The following GRK1 variants were observed in gnomAD, a reference collection of about 807,000 sequenced individuals.
The protein encoded by GRK1 is G protein-coupled receptor kinase 1.
Under a neutral mutation model 41.7 loss-of-function variants are expected in GRK1, and 28 were observed. The observed-to-expected ratio is 0.67, with a 90% confidence interval of 0.50 to 0.92. The LOEUF (loss-of-function observed/expected upper bound fraction) is 0.92. Ranked by LOEUF, GRK1 falls within the 40% of genes least tolerant of loss-of-function variation. The probability of loss-of-function intolerance (pLI) is 0.00; values close to 1 mark genes in which losing one functional copy is unlikely to be tolerated. For synonymous variants in GRK1, 327 were observed against 286.7 expected, an observed-to-expected ratio of 1.14 and a Z score of -1.42; for missense variants, 703 against 671.2, an observed-to-expected ratio of 1.05 and a Z score of -0.52.
At chr13:113,670,223 G>A (rs1432455802) in intron 2 of GRK1, among the ~76,000 whole-genome samples, 2 of 152,164 alleles carry the variant, frequency 1.3e-5, no homozygotes, top group Non-Finnish European at 2.9e-5. Context: ...GATCAGTCCA[G>A]CTGGGGGCCG....
At position 113,667,466 on chromosome 13, in the gene GRK1, C is replaced by A; in HGVS notation, c.80C>A (p.Ser27Tyr). ...AARGSFDGSS[S>Y]QPSRDKKYLA... is the part of the protein sequence containing the mutation. ...CGAGGCAGCTTTGACGGCAGCAGCT[C>A]CCAACCCTCCCGGGACAAGAAGTAC... Residue 27 changes from serine (S) to tyrosine (Y), a missense_variant, in exon 1 of 7, where the codon TCC becomes TAC. Transcript: ENST00000335678. The surrounding 1 kb of genome is among the most constrained non-coding windows in gnomAD (Gnocchi z 7.5). The A allele has an allele frequency of 2.5e-6, 4 of 1,610,070 alleles. No homozygotes were observed. Among genetic ancestry groups the A allele is most frequent in the South Asian group, 1.1e-5 (1 of 90,594 alleles).
intron 4 of GRK1, among the ~76,000 whole-genome samples, chr13:113,727,651 C>CAAT (rs2049898472): frequency 7.6e-6 from 1 of 131,646 alleles, no homozygotes; most frequent in African/African-American, 2.9e-5. Context: ...GTACCCATGG[C>CAAT]GATGAGGACC....
At chr13:113,723,633 G>A (rs1056211753) in intron 4 of GRK1, among the ~76,000 whole-genome samples, 1 of 152,178 alleles carries the variant, frequency 6.6e-6, no homozygotes, top group African/African-American at 2.4e-5. Context: ...TCAGTGAACA[G>A]AGGGCTCACT....
the GRK1 span, among the ~76,000 whole-genome samples, chr13:113,659,618 A>T: frequency 6.6e-6 from 1 of 151,610 alleles, no homozygotes; most frequent in Non-Finnish European, 1.5e-5. Flanking sequence ...TTTTTTGTAG[A>T]GATGGGGTCT....
the GRK1 span, chr13:113,650,366 A>G: frequency 6.4e-7 from 1 of 1,573,196 alleles, no homozygotes; most frequent in Non-Finnish European, 8.7e-7. This position sits in a 1 kb window ranked among gnomAD's most constrained non-coding sequence, Gnocchi z 5.0. Context: ...GAGAGGACTC[A>G]GCAGCTGTGG....
chr13:113,661,190 C>T, the GRK1 span, among the ~76,000 whole-genome samples: 1 of 151,952 alleles, frequency 6.6e-6, no homozygotes, highest in Admixed American at 6.6e-5. Context: ...ATATTAATAA[C>T]AAAGATAACA....
rs762421342 is a variant in GRK1 at position 113,733,765 on chromosome 13, ATG to A, written c.1396+687_1396+688del. 3.2e-3 allele frequency among the ~76,000 whole-genome samples: 212 copies of A among 67,004 alleles called. 3 individuals carry two copies. The highest frequency in any genetic ancestry group is 4.7e-3 in the African/African-American group (86 of 18,120). 44.0% of individuals were successfully genotyped at this position (67,004 alleles called of 152,430 possible). ...TGTGCATACATGTGTGTGCGTGTGTATGTGTGTGCATACGTGTGTGCATGTGT... is the reference window on the plus strand; with the variant it reads ...TGTGCATACATGTGTGTGCGTGTGTATGTGTGCATACGTGTGTGCATGTGT... On this transcript the variant is annotated intron_variant, in intron 6 of 6. Transcript: ENST00000335678.
chr13:113,658,496 G>A, the GRK1 span, among the ~76,000 whole-genome samples: 1 of 152,238 alleles, frequency 6.6e-6, no homozygotes, highest in Admixed American at 6.5e-5. Context: ...CTCTCCTTCA[G>A]GAGGGAGATT....
rs2050010291 is a variant in GRK1 at position 113,737,208 on chromosome 13, C to T, written c.*1845C>T. ...CTTCTGGAGGGAAGATAGGCCACGC[C>T]CCTGGGTGAGGAGCACGTCTTCCCA... On this transcript the variant is annotated 3_prime_UTR_variant, in exon 7 of 7. Coordinates refer to ENST00000335678, the MANE Select transcript of GRK1 (RefSeq NM_002929.3). 6.5e-6 allele frequency: 1 copy of T among 153,672 alleles called. No homozygotes were observed. The highest frequency in any genetic ancestry group is 1.5e-5 in the Non-Finnish European group (1 of 68,876). 9.5% of individuals were successfully genotyped at this position (153,672 alleles called of 1,614,324 possible). A position where few individuals can be genotyped will look rare whatever the true frequency, so the allele number is the denominator to read the frequency against.
chr13:113,670,309 A>G (rs1316909821), intron 2 of GRK1, among the ~76,000 whole-genome samples: 3 of 151,380 alleles, frequency 2.0e-5, no homozygotes, highest in Admixed American at 1.3e-4. Flanking sequence ...CCGCTGAGAC[A>G]GGCCCCAGGC....
rs1214643857 is a variant in GRK1, at chr13:113,733,925, CATGTGTGCATACGTGTGTGCGT to C, written c.1396+841_1396+862del. On this transcript the variant is annotated intron_variant, in intron 6 of 6. Transcript: ENST00000335678. Reference sequence around the variant, plus strand: ...TGTGTGCATACAGTGTGCGTGTGTGCATGTGTGCATACGTGTGTGCGTGTGTGTGCATACGTGTGTGTGCGTG... The same window carrying C: ...TGTGTGCATACAGTGTGCGTGTGTGCGTGTGTGCATACGTGTGTGTGCGTG... Among the ~76,000 whole-genome samples, 54 of 41,988 alleles carry C rather than the reference CATGTGTGCATACGTGTGTGCGT, an allele frequency of 1.3e-3. No individual in the cohort carries two copies. The East Asian group carries it at 0.036, about 28-fold the overall frequency. The allele number at this position is 41,988 out of a possible 152,430, so 27.5% of individuals were successfully genotyped here.
chr13:113,733,765 A>G lies in GRK1; in HGVS notation c.1396+680A>G, dbSNP rs1425829900. On this transcript the variant is annotated intron_variant, in intron 6 of 6. Transcript: ENST00000335678. ...TGTGCATACATGTGTGTGCGTGTGT[A>G]TGTGTGTGCATACGTGTGTGCATGT... Among the ~76,000 whole-genome samples the G allele has an allele frequency of 4.6e-3, 307 of 66,890 alleles. 5 individuals carry two copies. Among genetic ancestry groups the G allele is most frequent in the African/African-American group, 0.013 (240 of 18,104 alleles). The allele number at this position is 66,890 out of a possible 152,430, so 43.9% of individuals were successfully genotyped here.
Position 113,671,343 on chromosome 13 carries a change from C to G in GRK1, c.828-156C>G, listed in dbSNP as rs1218742459. 1.3e-5 allele frequency among the ~76,000 whole-genome samples: 2 copies of G among 152,176 alleles called. No individual in the cohort carries two copies. The highest frequency in any genetic ancestry group is 4.8e-5 in the African/African-American group (2 of 41,438). On this transcript the variant is annotated intron_variant, in intron 2 of 6. Coordinates refer to ENST00000335678, the MANE Select transcript of GRK1 (RefSeq NM_002929.3). This position sits in a 1 kb window ranked among gnomAD's most constrained non-coding sequence, Gnocchi z 4.1. ...CTGCTAACGCCGCCAGCCACCATGG[C>G]CTTCGGGTGTCCTCTGCAGGGACGT...
chr13:113,650,622 A>G, the GRK1 span: 1 of 679,934 alleles, frequency 1.5e-6, no homozygotes, highest in Non-Finnish European at 2.5e-6. This position sits in a 1 kb window ranked among gnomAD's most constrained non-coding sequence, Gnocchi z 5.0. Context: ...TTGCATAAAC[A>G]CTTTATTGCA....
At chr13:113,727,720 GCGA>G (rs2049899412) in intron 4 of GRK1, among the ~76,000 whole-genome samples, 3 of 123,952 alleles carry the variant, frequency 2.4e-5, no homozygotes, top group African/African-American at 9.2e-5. Context: ...AGTACCCATG[GCGA>G]TGAGGAGTAC....
intron 4 of GRK1, among the ~76,000 whole-genome samples, chr13:113,729,461 G>A (rs780151105): frequency 4.6e-5 from 7 of 152,204 alleles, no homozygotes; most frequent in Non-Finnish European, 7.3e-5. Flanking sequence ...GGCAGTGAAG[G>A]GATCTCGCTA....
chr13:113,665,395 G>A (rs1318106240), upstream of GRK1, among the ~76,000 whole-genome samples: 2 of 148,976 alleles, frequency 1.3e-5, no homozygotes, highest in Non-Finnish European at 3.0e-5. Flanking sequence ...GTGTGCCCCA[G>A]CTGTCTCAGA....
Position 113,731,096 on chromosome 13 carries a change from A to G in GRK1, c.1070-123A>G. ...CTCCACAAAGGATTTTCTGGCCCCA[A>G]ATGTGGAGAGTGCTGAGGCCCCGGG... On this transcript the variant is annotated intron_variant, in intron 4 of 6. Coordinates refer to ENST00000335678, the MANE Select transcript of GRK1 (RefSeq NM_002929.3). This position sits in a 1 kb window ranked among gnomAD's most constrained non-coding sequence, Gnocchi z 5.6. The G allele has an allele frequency of 1.5e-6, 2 of 1,374,922 alleles. No homozygotes were observed. Among genetic ancestry groups the G allele is most frequent in the Admixed American group, 4.9e-5 (2 of 41,022 alleles). The allele number at this position is 1,374,922 out of a possible 1,614,324, so 85.2% of individuals were successfully genotyped here. A position where few individuals can be genotyped will look rare whatever the true frequency, so the allele number is the denominator to read the frequency against.
chr13:113,670,112 G>A (rs1412617469), intron 2 of GRK1, among the ~76,000 whole-genome samples: 1 of 152,214 alleles, frequency 6.6e-6, no homozygotes, highest in Non-Finnish European at 1.5e-5. Flanking sequence ...TGATGCAGTC[G>A]GCGGGGCCTC....
Sources: allele counts gnomAD v4.1 joint callset (sites outside exome capture counted in the v4.1 genomes callset), GRCh38; gene constraint gnomAD v4.1.1; non-coding constraint Gnocchi (gnomAD v3.1); transcripts MANE v1.5; gene names NCBI Gene and HGNC (gene_info 2026-07-23, HGNC 2026-07-21).